SYNE2: variants seen among roughly 807,000 people sequenced by gnomAD.
The protein encoded by SYNE2 is nesprin-2.
A neutral mutation model predicts 856.3 loss-of-function variants in SYNE2; 431 were observed. That is an observed-to-expected ratio of 0.50 (90% CI 0.47 to 0.55). SYNE2 has a LOEUF of 0.55. SYNE2 is among the 20% of genes least tolerant of loss of function. The pLI is 0.00. For missense variants in SYNE2, 8,129 were observed against 8,023.2 expected (o/e 1.01, Z -0.50); for synonymous variants, 2,923 against 2,872.3 (o/e 1.02, Z -0.56).
At chr14:63,944,236 A>G (rs1406182876) in intron 6 of SYNE2, among the ~76,000 whole-genome samples, 4 of 149,706 alleles carry the variant, frequency 2.7e-5, no homozygotes, top group African/African-American at 9.8e-5. Flanking sequence ...CATGTTATCC[A>G]TACTGTTTTC....
chr14:63,948,162 C>T (rs201490204), intron 6 of SYNE2, among the ~76,000 whole-genome samples: 1 of 109,860 alleles, frequency 9.1e-6, no homozygotes, highest in Non-Finnish European at 2.1e-5. Flanking sequence ...CACAGACACA[C>T]ACATACACAC....
At chr14:64,195,652 T>C (rs915625102) in intron 99 of SYNE2, among the ~76,000 whole-genome samples, 3 of 152,192 alleles carry the variant, frequency 2.0e-5, no homozygotes, top group African/African-American at 7.2e-5. Context: ...ACCGTGGCAG[T>C]TGTGTGTTAA....
chr14:63,770,429 G>T (rs1252571560), intron 1 of SYNE2, among the ~76,000 whole-genome samples: 2 of 152,146 alleles, frequency 1.3e-5, no homozygotes. Context: ...GTATTTTGGA[G>T]AATTTCTTGT....
intron 79 of SYNE2, 138 bp from the exon 80 acceptor site, chr14:64,139,803 T>C: frequency 2.3e-6 from 2 of 871,658 alleles, no homozygotes; most frequent in East Asian, 2.5e-5. Flanking sequence ...ATAATCCTTA[T>C]TAACGTCATG....
chr14:64,209,333 C>T, intron 101 of SYNE2, 95 bp from the exon 102 acceptor site: 2 of 1,597,804 alleles, frequency 1.3e-6, no homozygotes, highest in Non-Finnish European at 1.7e-6. Context: ...ACAGGGTCTC[C>T]CCCACTAAAC....
chr14:63,886,663 T>C (rs2094993173), intron 1 of SYNE2, among the ~76,000 whole-genome samples: 1 of 152,192 alleles, frequency 6.6e-6, no homozygotes, highest in Non-Finnish European at 1.5e-5. Flanking sequence ...TGATATGGAC[T>C]ATTCATTCTC....
intron 1 of SYNE2, among the ~76,000 whole-genome samples, chr14:63,840,246 G>A (rs1036376577): frequency 6.6e-6 from 1 of 152,146 alleles, no homozygotes; most frequent in African/African-American, 2.4e-5. Flanking sequence ...ACTCCAGCCT[G>A]GGGGACAGAG....
At chr14:64,103,853 T>G (rs2097754305) in intron 64 of SYNE2, among the ~76,000 whole-genome samples, 2 of 152,116 alleles carry the variant, frequency 1.3e-5, no homozygotes, top group African/African-American at 4.8e-5. Context: ...TTCCTTCCCA[T>G]CCACAAAGAC....
chr14:64,034,934 A>AT (rs901951294), intron 45 of SYNE2, among the ~76,000 whole-genome samples: 3 of 150,252 alleles, frequency 2.0e-5, no homozygotes, highest in East Asian at 1.9e-4. Flanking sequence ...CTAATTTATT[A>AT]TTTTTTTTCT....
At chr14:63,899,036 C>T (rs1356614930) in intron 1 of SYNE2, among the ~76,000 whole-genome samples, 1 of 152,152 alleles carries the variant, frequency 6.6e-6, no homozygotes, top group African/African-American at 2.4e-5. Flanking sequence ...AAATAGTTAA[C>T]TCTCCATTCC....
intron 99 of SYNE2, among the ~76,000 whole-genome samples, chr14:64,196,573 A>T (rs2098541564): frequency 6.6e-6 from 1 of 152,224 alleles, no homozygotes. Flanking sequence ...TAAGAGGACA[A>T]GAGGAAGGCA....
At chr14:64,070,403 C>T (rs1269869492) in intron 51 of SYNE2, among the ~76,000 whole-genome samples, 1 of 152,184 alleles carries the variant, frequency 6.6e-6, no homozygotes, top group Non-Finnish European at 1.5e-5. Context: ...AGATATTCAA[C>T]AGCATTTCCT....
chr14:63,931,898 T>C (rs1447849682), intron 2 of SYNE2, among the ~76,000 whole-genome samples: 4 of 152,230 alleles, frequency 2.6e-5, no homozygotes, highest in African/African-American at 9.6e-5. Flanking sequence ...GCTGGGTCTA[T>C]AGGCATTTAC....
In SYNE2 at chr14:64,223,301, A is replaced by C. The variant is rs775768707; in HGVS notation, c.20303A>C (p.Lys6768Thr). 1.5e-5 allele frequency: 24 copies of C among 1,614,086 alleles called. No individual in the cohort carries two copies. Among genetic ancestry groups the C allele is most frequent in the Non-Finnish European group, 1.8e-5 (21 of 1,180,034 alleles). Residue 6768 changes from lysine (K) to threonine (T), a missense_variant, in exon 113 of 116, where the codon AAG becomes ACG. Lys to Thr is a moderately conservative substitution (Grantham distance 78). Transcript: ENST00000555002. The stretch of plus-strand genomic sequence containing the variant: ...GAAGACTGTATTGAAGCTGAAGAAA[A>C]GGTGCATGTTATTGAGAAGAAACTC... ...HGEDCIEAEE[K>T]VHVIEKKLKQ...
intron 1 of SYNE2, among the ~76,000 whole-genome samples, chr14:63,813,930 C>T (rs1888719428): frequency 6.6e-6 from 1 of 152,082 alleles, no homozygotes; most frequent in East Asian, 1.9e-4. Flanking sequence ...TGGCACGTAC[C>T]TGTAGTAGTC....
chr14:63,982,441 T>G lies in SYNE2; in HGVS notation c.1837-189T>G, dbSNP rs74453251. 0.031 allele frequency among the ~76,000 whole-genome samples: 4,524 copies of G among 147,732 alleles called. 242 individuals carry two copies. Among genetic ancestry groups the G allele is most frequent in the African/African-American group, 0.11 (4,263 of 39,792 alleles). On this transcript the variant is annotated intron_variant, in intron 16 of 115. Transcript: ENST00000555002. Reference sequence around the variant, plus strand: ...CTCTGCAAAGAATGTTGCTTAGAATTAGTCTTGGTGCGGAGGTTGCAATGA... The same window carrying G: ...CTCTGCAAAGAATGTTGCTTAGAATGAGTCTTGGTGCGGAGGTTGCAATGA...
At chr14:63,976,822 T>C (rs1566954922) in intron 12 of SYNE2, 95 bp downstream of exon 12, 8 of 1,365,000 alleles carry the variant, frequency 5.9e-6, no homozygotes, top group Non-Finnish European at 8.3e-6. Flanking sequence ...AGAAGGATAA[T>C]AGTGGATATT....
chr14:64,111,119 A>G (rs2097802694), intron 65 of SYNE2, among the ~76,000 whole-genome samples: 1 of 151,882 alleles, frequency 6.6e-6, no homozygotes, highest in Non-Finnish European at 1.5e-5. Context: ...TAATCCCAGC[A>G]CTTTGAGAGG....
chr14:64,174,570 G>T (rs1007547728), intron 94 of SYNE2, among the ~76,000 whole-genome samples: 1 of 151,990 alleles, frequency 6.6e-6, no homozygotes, highest in African/African-American at 2.4e-5. Context: ...CGTAATATAA[G>T]GTCTGTTACT....
Sources: gnomAD v4.1 joint callset for allele counts (sites outside exome capture counted in the v4.1 genomes callset) on GRCh38, gnomAD v4.1.1 for gene constraint, MANE v1.5 for transcripts, NCBI Gene and HGNC (gene_info 2026-07-23, HGNC 2026-07-21) for gene names.